ARHGAP39: variants seen among roughly 807,000 people sequenced by gnomAD.
ARHGAP39 encodes the protein rho GTPase-activating protein 39.
Under a neutral mutation model 106.9 loss-of-function variants are expected in ARHGAP39, and 44 were observed. That is an observed-to-expected ratio of 0.41 (90% CI 0.32 to 0.53). The LOEUF is 0.53. Among genes scored for constraint, ARHGAP39 ranks in the 20% least tolerant of loss-of-function variants. The pLI is 0.21. For synonymous variants in ARHGAP39, 768 were observed against 693.2 expected (o/e 1.11, Z -1.69); for missense variants, 1,496 against 1,577.3 (o/e 0.95, Z 0.87).
At chr8:144,589,421 G>A (rs955593078) in intron 2 of ARHGAP39, among the ~76,000 whole-genome samples, 1 of 152,214 alleles carries the variant, frequency 6.6e-6, no homozygotes, top group Middle Eastern at 3.2e-3. Flanking sequence ...GCCCAGAGCA[G>A]GGCAGCGGGA....
chr8:144,590,424 G>A (rs1470226200), intron 2 of ARHGAP39, among the ~76,000 whole-genome samples: 2 of 152,192 alleles, frequency 1.3e-5, no homozygotes, highest in Admixed American at 6.5e-5. Context: ...GACTGTGAGT[G>A]AGTTCTTGTG....
At chr8:144,533,453 G>T in intron 8 of ARHGAP39, 128 bp from the exon 9 acceptor site, 1 of 940,276 alleles carries the variant, frequency 1.1e-6, no homozygotes, top group Non-Finnish European at 1.6e-6. Context: ...ACACACCTGG[G>T]TCCGAGTGTG....
At chr8:144,596,718 C>T (rs762959741) in intron 2 of ARHGAP39, among the ~76,000 whole-genome samples, 3 of 152,322 alleles carry the variant, frequency 2.0e-5, no homozygotes, top group African/African-American at 4.8e-5. Context: ...CCGGGTGGCG[C>T]GCACTGCCGG....
At chr8:144,580,567 C>T (rs1309858300) in intron 3 of ARHGAP39, among the ~76,000 whole-genome samples, 1 of 151,940 alleles carries the variant, frequency 6.6e-6, no homozygotes, top group African/African-American at 2.4e-5. Flanking sequence ...TCCCCTGGGT[C>T]CCCGCCCACC....
At chr8:144,630,926 A>G (rs1342605592) in intron 1 of ARHGAP39, among the ~76,000 whole-genome samples, 1 of 152,270 alleles carries the variant, frequency 6.6e-6, no homozygotes, top group Non-Finnish European at 1.5e-5. Flanking sequence ...ATTTATAAAG[A>G]AAAGAGGTTT....
At chr8:144,663,120 C>T (rs1339762165) in intron 1 of ARHGAP39, among the ~76,000 whole-genome samples, 1 of 143,720 alleles carries the variant, frequency 7.0e-6, no homozygotes, top group Non-Finnish European at 1.5e-5. Context: ...TTGGCCCACT[C>T]CCCCCTCCCT....
intron 1 of ARHGAP39, among the ~76,000 whole-genome samples, chr8:144,617,886 A>G (rs538459230): frequency 1.2e-4 from 18 of 152,208 alleles, no homozygotes; most frequent in Middle Eastern, 3.4e-3. Flanking sequence ...GGCTCAAATG[A>G]TGCTCCAGCC....
intron 2 of ARHGAP39, among the ~76,000 whole-genome samples, chr8:144,590,735 T>A (rs1397910359): frequency 6.6e-6 from 1 of 151,728 alleles, no homozygotes; most frequent in African/African-American, 2.4e-5. Flanking sequence ...CTTTGTCAGC[T>A]CCAGAGACAC....
intron 1 of ARHGAP39, among the ~76,000 whole-genome samples, chr8:144,636,499 C>G (rs1263285720): frequency 1.3e-5 from 2 of 152,238 alleles, no homozygotes; most frequent in Admixed American, 1.3e-4. Flanking sequence ...AAGCTCCCGA[C>G]AGCCCCAATC....
the ARHGAP39 span, among the ~76,000 whole-genome samples, chr8:144,692,025 C>T: frequency 5.3e-5 from 8 of 152,132 alleles, no homozygotes; most frequent in South Asian, 8.3e-4. Context: ...TACACAGGCT[C>T]CTAAAACTGA....
rs750473274 is a variant in ARHGAP39 at position 144,530,388 on chromosome 8, G to A, written c.*34C>T. 2.6e-6 allele frequency: 4 copies of A among 1,557,934 alleles called. No individual in the cohort carries two copies. Among genetic ancestry groups the A allele is most frequent in the African/African-American group, 2.7e-5 (2 of 73,648 alleles). Reference sequence around the variant, plus strand: ...TGCGGAGTTCGGCCTGGCTGGGGGCGGCAGGACATCCCTCCTGTCCCCGGG... The same window carrying A: ...TGCGGAGTTCGGCCTGGCTGGGGGCAGCAGGACATCCCTCCTGTCCCCGGG... On this transcript the variant is annotated 3_prime_UTR_variant, in exon 12 of 12. Coordinates refer to ENST00000377307, the MANE Select transcript of ARHGAP39 (RefSeq NM_025251.3).
intron 1 of ARHGAP39, among the ~76,000 whole-genome samples, chr8:144,656,366 T>G (rs1472351204): frequency 6.6e-6 from 1 of 152,100 alleles, no homozygotes; most frequent in Non-Finnish European, 1.5e-5. Context: ...GTTTTCTCAT[T>G]TTAAAATGTA....
At chr8:144,567,925 T>A (rs1818459784) in intron 3 of ARHGAP39, among the ~76,000 whole-genome samples, 1 of 152,068 alleles carries the variant, frequency 6.6e-6, no homozygotes, top group Non-Finnish European at 1.5e-5. Context: ...CCACTACCGG[T>A]CTCCATGTCT....
intron 1 of ARHGAP39, among the ~76,000 whole-genome samples, chr8:144,636,795 T>C (rs1821182757): frequency 6.6e-6 from 1 of 152,180 alleles, no homozygotes; most frequent in Non-Finnish European, 1.5e-5. Context: ...GTAAGGAACA[T>C]TTCAGTCACT....
intron 6 of ARHGAP39, among the ~76,000 whole-genome samples, chr8:144,543,300 C>T (rs950042351): frequency 3.9e-5 from 6 of 152,136 alleles, no homozygotes; most frequent in African/African-American, 1.4e-4. Context: ...CAGCAGCCAG[C>T]ACCTGCATGT....
chr8:144,655,641 C>A (rs564956430), intron 1 of ARHGAP39, among the ~76,000 whole-genome samples: 1 of 152,206 alleles, frequency 6.6e-6, no homozygotes, highest in East Asian at 1.9e-4. Flanking sequence ...GAGGAGTCAC[C>A]CACTGCAGGT....
At chr8:144,597,151 C>T (rs538287077) in intron 2 of ARHGAP39, among the ~76,000 whole-genome samples, 47 of 152,288 alleles carry the variant, frequency 3.1e-4, no homozygotes, top group Admixed American at 2.6e-3. Flanking sequence ...GGAGGGCGAC[C>T]AGAACCCTAA....
At chr8:144,685,060 A>C (rs980783960) in intron 1 of ARHGAP39, among the ~76,000 whole-genome samples, 14 of 151,924 alleles carry the variant, frequency 9.2e-5, no homozygotes, top group Non-Finnish European at 1.3e-4. Flanking sequence ...CAGGCTGGGC[A>C]CACGTGCACC....
Position 144,548,325 on chromosome 8 carries a change from A to C in ARHGAP39, c.761T>G (p.Leu254Arg), listed in dbSNP as rs747896327. Residue 254 changes from leucine to arginine, a missense_variant, in exon 5 of 12, where the codon CTG (leucine) becomes CGG (arginine). Transcript: ENST00000377307. The surrounding 1 kb of genome is among the most constrained non-coding windows in gnomAD (Gnocchi z 7.4). ...GTCAGCCTCCGGGGCGAAGGTCTGC[A>C]GGCTGGGTGAGTGCTGGCTGCCGGA... ...RPSGSQHSPS[L>R]QTFAPEADGT... 1.3e-5 allele frequency: 21 copies of C among 1,607,656 alleles called. No homozygotes were observed. Among genetic ancestry groups the C allele is most frequent in the Non-Finnish European group, 1.8e-5 (21 of 1,176,438 alleles).
Sources: gnomAD v4.1 joint callset for allele counts (sites outside exome capture counted in the v4.1 genomes callset) on GRCh38, gnomAD v4.1.1 for gene constraint, Gnocchi (gnomAD v3.1) non-coding constraint, MANE v1.5 for transcripts, NCBI Gene and HGNC (gene_info 2026-07-23, HGNC 2026-07-21) for gene names.